The following USH2A variants were observed in gnomAD, a reference collection of about 807,000 sequenced individuals.
USH2A encodes Usher syndrome 2A (autosomal recessive, mild).
In USH2A, 443 loss-of-function variants were observed where a neutral mutation model predicts 538.9. The observed-to-expected ratio is 0.82, with a 90% CI of 0.76 to 0.89. The LOEUF is 0.89. Among genes scored for constraint, USH2A ranks in the 40% least tolerant of loss-of-function variants. The probability of loss-of-function intolerance (pLI) is 0.00; values close to 1 mark genes in which losing one functional copy is unlikely to be tolerated. For missense variants in USH2A, 6,633 were observed against 6,324.8 expected (o/e 1.05, Z -1.65); for synonymous variants, 2,413 against 2,273.5 (o/e 1.06, Z -1.75).
chr1:216,240,032 A>AG (rs2035906714), intron 13 of USH2A, among the ~76,000 whole-genome samples: 2 of 147,306 alleles, frequency 1.4e-5, no homozygotes, highest in East Asian at 2.0e-4. Context: ...AAAAAAAAAA[A>AG]AGAGAGAAGG....
In USH2A at chr1:216,247,156, G is replaced by T; in HGVS notation, c.2238C>A (p.Pro746=). 1 of 1,614,038 alleles carries T rather than the reference G, an allele frequency of 6.2e-7. No individual in the cohort carries two copies. Among genetic ancestry groups the T allele is most frequent in the Non-Finnish European group, 8.5e-7 (1 of 1,179,942 alleles). The stretch of plus-strand genomic sequence containing the variant: ...CTGAGCCATGGAGGTTACACTGGCA[G>T]GGCTCACATCCAACATCATTAAAGC... ...LRSFNDVGCE[P]CQCNLHGSVN... Residue 746 remains proline (P), a synonymous_variant, in exon 13 of 72, where the codon CCC becomes CCA. Transcript: ENST00000307340.
At chr1:216,036,134 A>G (rs2029941091) in intron 32 of USH2A, among the ~76,000 whole-genome samples, 1 of 152,130 alleles carries the variant, frequency 6.6e-6, no homozygotes, top group Non-Finnish European at 1.5e-5. Flanking sequence ...AATTAGTAAG[A>G]CGATCAACCT....
chr1:215,757,052 C>T (rs1205906670), intron 58 of USH2A, among the ~76,000 whole-genome samples: 5 of 152,094 alleles, frequency 3.3e-5, no homozygotes, highest in African/African-American at 1.2e-4. Context: ...TTTCCTCTAT[C>T]GAAATTAAGA....
intron 9 of USH2A, among the ~76,000 whole-genome samples, chr1:216,297,022 G>A (rs1177333290): frequency 3.3e-5 from 5 of 151,800 alleles, no homozygotes; most frequent in African/African-American, 1.2e-4. Flanking sequence ...AGTATACTCT[G>A]GTTACTATAT....
intron 12 of USH2A, among the ~76,000 whole-genome samples, chr1:216,249,243 C>T (rs2036111344): frequency 6.6e-6 from 1 of 151,960 alleles, no homozygotes; most frequent in African/African-American, 2.4e-5. Context: ...TTAGTCTTCA[C>T]AAAATATATA....
At chr1:215,762,621 C>T (rs1372297940) in intron 56 of USH2A, among the ~76,000 whole-genome samples, 1 of 152,138 alleles carries the variant, frequency 6.6e-6, no homozygotes, top group Non-Finnish European at 1.5e-5. Flanking sequence ...GTTATCTTGG[C>T]AGCTGCAAGA....
chr1:216,420,878 A>C (rs754291032), intron 2 of USH2A, among the ~76,000 whole-genome samples: 4 of 152,156 alleles, frequency 2.6e-5, no homozygotes, highest in Non-Finnish European at 5.9e-5. Flanking sequence ...ATTGAAACTA[A>C]ACACCAAAAA....
intron 15 of USH2A, 129 bp from the exon 16 acceptor site, chr1:216,207,560 C>T (rs1174064568): frequency 7.8e-6 from 9 of 1,156,378 alleles, no homozygotes; most frequent in African/African-American, 1.5e-5. Flanking sequence ...ATGTGGTTTA[C>T]CAAGACATTA....
rs79069149 is a variant in USH2A, at chr1:215,810,262, A to G, written c.9739+3474T>C. Among the ~76,000 whole-genome samples, 23 of 152,312 alleles carry G rather than the reference A, an allele frequency of 1.5e-4. No homozygotes were observed. In the East Asian group the frequency reaches 4.2e-3, roughly 28 times the overall value. On this transcript the variant is annotated intron_variant, in intron 49 of 71. Transcript: ENST00000307340. ...ATCCTTGGTCTAAAAATTAATTATT[A>G]AAGGCTTATATAATATCAATGACAA...
rs543615271 is a variant in USH2A, at chr1:215,857,801, G to A, written c.8845+9206C>T. On this transcript the variant is annotated intron_variant, in intron 44 of 71. Coordinates refer to ENST00000307340, the MANE Select transcript of USH2A (RefSeq NM_206933.4). ...AGTAGAAGAGGGGCAGCATCAGGTG[G>A]TTGGTTGATATCAGTGGTGGAATCT... 4.2e-4 allele frequency among the ~76,000 whole-genome samples: 62 copies of A among 149,236 alleles called. No individual in the cohort carries two copies. In the South Asian group the frequency reaches 4.8e-3, roughly 11 times the overall value.
chr1:215,650,730 T>C lies in USH2A; in HGVS notation c.14205A>G (p.Pro4735=), dbSNP rs747671645. 7 of 1,613,966 alleles carry C rather than the reference T, an allele frequency of 4.3e-6. No homozygotes were observed. In the South Asian group the frequency reaches 7.7e-5, roughly 18 times the overall value. The change falls in exon 65 of 72, where the codon CCA becomes CCG. Residue 4735 remains proline, a synonymous_variant. Coordinates refer to ENST00000307340, the MANE Select transcript of USH2A (RefSeq NM_206933.4). ...WTWCRTGPAP[P]EGLRAPTFHV... is the part of the protein sequence containing the mutation. ...GGAACGTGGGGGCTCTGAGACCTTC[T>C]GGTGGGGCTGGCCCGGTTCTGCACC...
intron 61 of USH2A, among the ~76,000 whole-genome samples, chr1:215,688,926 G>T (rs2820697): frequency 0.38 from 57,188 of 151,644 alleles, 10,983 homozygotes; most frequent in South Asian, 0.56. Context: ...GGCCAGGAAG[G>T]GGTAATAGTG....
intron 30 of USH2A, among the ~76,000 whole-genome samples, chr1:216,069,760 A>G (rs2031495970): frequency 6.6e-6 from 1 of 152,142 alleles, no homozygotes; most frequent in Non-Finnish European, 1.5e-5. Flanking sequence ...CAAAGAGTAA[A>G]TTTTTGCTTT....
At chr1:215,743,406 G>GTATATA in intron 58 of USH2A, 71 bp from the exon 59 acceptor site, 8 of 471,494 alleles carry the variant, frequency 1.7e-5, no homozygotes, top group Admixed American at 4.9e-5. Context: ...GTGTGTGTGT[G>GTATATA]TGTGTGTGTG....
chr1:216,314,336 A>T (rs1348911529), intron 9 of USH2A, among the ~76,000 whole-genome samples: 2 of 152,170 alleles, frequency 1.3e-5, no homozygotes, highest in Non-Finnish European at 2.9e-5. Context: ...GAGGAAAGAA[A>T]ATTCTTTACC....
intron 26 of USH2A, chr1:216,079,903 T>C (rs1037365047): frequency 3.3e-5 from 5 of 152,076 alleles, no homozygotes; most frequent in Non-Finnish European, 7.4e-5. Flanking sequence ...GTAAAAAAGG[T>C]AAATGAGTTA....
chr1:216,069,983 G>T, intron 30 of USH2A, 118 bp downstream of exon 30: 1 of 1,247,570 alleles, frequency 8.0e-7, no homozygotes, highest in Non-Finnish European at 1.1e-6. Context: ...TTTTTAATCA[G>T]GTAAAATACA....
intron 60 of USH2A, among the ~76,000 whole-genome samples, chr1:215,730,832 G>C (rs1195828359): frequency 6.6e-6 from 1 of 152,156 alleles, no homozygotes; most frequent in Non-Finnish European, 1.5e-5. Flanking sequence ...GCGTGAACCA[G>C]ATTCTGCACT....
chr1:216,315,867 T>A (rs1371979897), intron 9 of USH2A, among the ~76,000 whole-genome samples: 2 of 152,228 alleles, frequency 1.3e-5, no homozygotes, highest in African/African-American at 2.4e-5. Flanking sequence ...CATGTATTTC[T>A]AATTTCTACT....
Sources: allele counts gnomAD v4.1 joint callset (sites outside exome capture counted in the v4.1 genomes callset), GRCh38; gene constraint gnomAD v4.1.1; transcripts MANE v1.5; gene names NCBI Gene and HGNC (gene_info 2026-07-23, HGNC 2026-07-21).